The following ACR variants were observed in gnomAD, a reference collection of about 807,000 sequenced individuals.
The protein encoded by ACR is acrosin.
A neutral mutation model predicts 26.0 loss-of-function variants in ACR; 17 were observed. The observed-to-expected ratio is 0.65, with a 90% CI of 0.45 to 0.98. ACR has a LOEUF of 0.98. Among genes scored for constraint, ACR ranks in the 50% least tolerant of loss-of-function variants. ACR has a pLI of 0.00. For missense variants in ACR, 435 were observed against 519.3 expected, an observed-to-expected ratio of 0.84 and a Z score of 1.58; for synonymous variants, 199 against 207.7, an observed-to-expected ratio of 0.96 and a Z score of 0.36.
intron 1 of ACR, among the ~76,000 whole-genome samples, 164 bp downstream of exon 1, chr22:50,738,476 G>A (rs1351630638): frequency 1.4e-5 from 2 of 146,336 alleles, no homozygotes; most frequent in East Asian, 4.0e-4. Flanking sequence ...AGCTTTCGTG[G>A]TTTCCTCCAG....
intron 3 of ACR, chr22:50,740,472 T>G (rs1485213855): frequency 6.3e-6 from 4 of 636,480 alleles, no homozygotes; most frequent in Admixed American, 2.3e-5. Context: ...CCAGGCTGTC[T>G]TTGTCACCAT....
At position 50,745,282 on chromosome 22, in the gene ACR, CAT is replaced by C. The variant is rs574817127; in HGVS notation, c.*85_*86del. On this transcript the variant is annotated 3_prime_UTR_variant, in exon 5 of 5. Coordinates refer to ENST00000216139, the MANE Select transcript of ACR (RefSeq NM_001097.3). Reference sequence around the variant, plus strand: ...AGGAAAGATGAAATAAATAAATAAACATATATATATAGATATACACACACACA... The same window carrying C: ...AGGAAAGATGAAATAAATAAATAAACATATATATAGATATACACACACACA... The C allele has an allele frequency of 5.2e-5, 53 of 1,018,488 alleles. No individual in the cohort carries two copies. Among genetic ancestry groups the C allele is most frequent in the East Asian group, 4.0e-4 (14 of 35,272 alleles). 63.1% of individuals were successfully genotyped at this position (1,018,488 alleles called of 1,614,324 possible). A position where few individuals can be genotyped will look rare whatever the true frequency, so the allele number is the denominator to read the frequency against.
chr22:50,741,666 C>T (rs188568125), intron 3 of ACR, among the ~76,000 whole-genome samples: 10 of 151,706 alleles, frequency 6.6e-5, no homozygotes, highest in Admixed American at 2.0e-4. Context: ...ACCCATAAGC[C>T]CAAGTCTTAA....
chr22:50,742,565 C>T (rs1211461512), intron 3 of ACR, among the ~76,000 whole-genome samples: 1 of 144,622 alleles, frequency 6.9e-6, no homozygotes, highest in Non-Finnish European at 1.5e-5. Context: ...AAAAAAAAAT[C>T]GTCTTAATGG....
At chr22:50,742,408 G>A (rs1231727386) in intron 3 of ACR, among the ~76,000 whole-genome samples, 1 of 151,804 alleles carries the variant, frequency 6.6e-6, no homozygotes, top group Admixed American at 6.6e-5. Context: ...GCCGGGCATG[G>A]TGGCGGGCGC....
chr22:50,741,462 G>C (rs999371457), intron 3 of ACR, among the ~76,000 whole-genome samples: 12 of 151,754 alleles, frequency 7.9e-5, no homozygotes, highest in African/African-American at 2.9e-4. Flanking sequence ...CTATGTTCCT[G>C]GGAGGCTGAT....
Position 50,739,925 on chromosome 22 carries a change from C to A in ACR, c.513C>A (p.Pro171=). ...TGCCCCACTTTAAGGCAGGCCTCCCCAGAGGCTCCCAGAGCTGCTGGGTGG... is the reference window on the plus strand; with the variant it reads ...TGCCCCACTTTAAGGCAGGCCTCCCAAGAGGCTCCCAGAGCTGCTGGGTGG... ...GCLPHFKAGL[P]RGSQSCWVAG... is the part of the protein sequence containing the mutation. Residue 171 remains proline, a synonymous_variant, in exon 3 of 5, where the codon CCC becomes CCA. Coordinates refer to ENST00000216139, the MANE Select transcript of ACR (RefSeq NM_001097.3). The surrounding 1 kb of genome is among the most constrained non-coding windows in gnomAD (Gnocchi z 5.5). 1 of 1,613,904 alleles carries A rather than the reference C, an allele frequency of 6.2e-7. No homozygotes were observed. The highest frequency in any genetic ancestry group is 1.3e-5 in the African/African-American group (1 of 75,030).
At chr22:50,744,584 C>T in intron 4 of ACR, 69 bp from the exon 5 acceptor site, 4 of 1,500,374 alleles carry the variant, frequency 2.7e-6, no homozygotes, top group Non-Finnish European at 3.6e-6. Context: ...CCTCCCAGAG[C>T]CTTCCGACCC....
At chr22:50,740,153 G>T (rs2083419022) in intron 3 of ACR, 176 bp downstream of exon 3, 1 of 823,816 alleles carries the variant, frequency 1.2e-6, no homozygotes, top group Non-Finnish European at 2.0e-6. Flanking sequence ...CACGTGATGG[G>T]TGACTCGTCT....
intron 3 of ACR, chr22:50,740,592 T>G (rs2083420951): frequency 1.4e-6 from 1 of 702,514 alleles, no homozygotes; most frequent in Non-Finnish European, 2.6e-6. Context: ...TGTGGCTTTC[T>G]GTGGGTCATA....
At position 50,745,015 on chromosome 22, in the gene ACR, C is replaced by T. The variant is rs2083444137; in HGVS notation, c.1074C>T (p.Ala358=). 1.1e-6 allele frequency: 1 copy of T among 884,264 alleles called. No homozygotes were observed. Among genetic ancestry groups the T allele is most frequent in the Non-Finnish European group, 1.6e-6 (1 of 626,364 alleles). The allele number at this position is 884,264 out of a possible 1,614,324, so 54.8% of individuals were successfully genotyped here. A position where few individuals can be genotyped will look rare whatever the true frequency, so the allele number is the denominator to read the frequency against. The change falls in exon 5 of 5, where the codon GCC becomes GCT. Residue 358 remains alanine, a synonymous_variant. Transcript: ENST00000216139. ...PSPPPPPPPP[A]SPLPPPPPPP... is the part of the protein sequence containing the mutation. ...CCCCGCCCCCACCCCCACCTCCAGC[C>T]TCACCTTTACCCCCACCCCCACCCC... is the stretch of plus-strand genomic sequence containing the variant.
intron 3 of ACR, among the ~76,000 whole-genome samples, chr22:50,741,798 G>GTT (rs1476189402): frequency 6.6e-6 from 1 of 150,890 alleles, no homozygotes; most frequent in African/African-American, 2.4e-5. Flanking sequence ...TTCCCATTGG[G>GTT]TTTTGAGTCC....
Position 50,739,170 on chromosome 22 carries a change from C to G in ACR, c.78-101C>G. The stretch of plus-strand genomic sequence containing the variant: ...TTCCCAGAACCCGGAAGCTCTTCCC[C>G]ACTTTTCCCAACCCCATGTCCCTGC... On this transcript the variant is annotated intron_variant, in intron 1 of 4. Transcript: ENST00000216139. The surrounding 1 kb of genome is among the most constrained non-coding windows in gnomAD (Gnocchi z 5.5). 9.0e-7 allele frequency: 1 copy of G among 1,111,446 alleles called. No homozygotes were observed. Among genetic ancestry groups the G allele is most frequent in the Non-Finnish European group, 1.3e-6 (1 of 764,876 alleles). The allele number at this position is 1,111,446 out of a possible 1,614,324, so 68.8% of individuals were successfully genotyped here.
Position 50,739,471 on chromosome 22 carries a change from A to G in ACR, c.278A>G (p.Lys93Arg), listed in dbSNP as rs1361843130. 1.9e-6 allele frequency: 3 copies of G among 1,614,174 alleles called. No homozygotes were observed. The highest frequency in any genetic ancestry group is 3.3e-4 in the Middle Eastern group (2 of 6,062). Residue 93 changes from lysine to arginine, a missense_variant, in exon 2 of 5, where the codon AAA (lysine) becomes AGA (arginine). Lys to Arg is a conservative substitution (Grantham distance 26). Around this residue, in one of 3 missense-constraint regions of ACR, gnomAD observed 314 missense variants for 372.0 expected, o/e 0.84. Coordinates refer to ENST00000216139, the MANE Select transcript of ACR (RefSeq NM_001097.3). This position sits in a 1 kb window ranked among gnomAD's most constrained non-coding sequence, Gnocchi z 5.5. ...VLTAAHCFVG[K>R]NNVHDWRLVF... is the part of the protein sequence containing the mutation. ...ACTGCTGCTCACTGCTTCGTCGGCAAAAAGTACGTGTAGGGATGCACTGAG... is the reference window on the plus strand; with the variant it reads ...ACTGCTGCTCACTGCTTCGTCGGCAGAAAGTACGTGTAGGGATGCACTGAG...
In ACR at chr22:50,739,361, G is replaced by T; in HGVS notation, c.168G>T (p.Trp56Cys). 1 of 1,613,482 alleles carries T rather than the reference G, an allele frequency of 6.2e-7. No homozygotes were observed. The highest frequency in any genetic ancestry group is 8.5e-7 in the Non-Finnish European group (1 of 1,179,774). Residue 56 changes from tryptophan (W) to cysteine (C), a missense_variant, in exon 2 of 5, where the codon TGG (tryptophan) becomes TGT (cysteine). By Grantham distance (215) the Trp-to-Cys change is radical (BLOSUM62 -2). Around this residue, in one of 3 missense-constraint regions of ACR, gnomAD observed 314 missense variants for 372.0 expected, o/e 0.84. Transcript: ENST00000216139. This position sits in a 1 kb window ranked among gnomAD's most constrained non-coding sequence, Gnocchi z 5.5. ...GKAAQHGAWPWMVSLQIFTYN... is the reference protein window; with the variant it reads ...GKAAQHGAWPCMVSLQIFTYN... ...CTGCACAGCATGGGGCCTGGCCCTG[G>T]ATGGTCAGCCTCCAGATCTTCACGT... is the stretch of plus-strand genomic sequence containing the variant.
Position 50,739,196 on chromosome 22 carries a change from CT to C in ACR, c.78-74del. 7.4e-7 allele frequency: 1 copy of C among 1,355,482 alleles called. No homozygotes were observed. The highest frequency in any genetic ancestry group is 2.5e-5 in the East Asian group (1 of 39,484). 84.0% of individuals were successfully genotyped at this position (1,355,482 alleles called of 1,614,324 possible). On this transcript the variant is annotated intron_variant, in intron 1 of 4. Transcript: ENST00000216139. The surrounding 1 kb of genome is among the most constrained non-coding windows in gnomAD (Gnocchi z 5.5). Reference sequence around the variant, plus strand: ...ACTTTTCCCAACCCCATGTCCCTGCCTCCCCTCAGTTGTGGAGTTACAAGGA... The same window carrying C: ...ACTTTTCCCAACCCCATGTCCCTGCCCCCCTCAGTTGTGGAGTTACAAGGA...
At chr22:50,741,409 G>A (rs2146854391) in intron 3 of ACR, among the ~76,000 whole-genome samples, 1 of 152,018 alleles carries the variant, frequency 6.6e-6, no homozygotes, top group South Asian at 2.1e-4. Flanking sequence ...AGCCTGCCAT[G>A]CTCTGTCCCC....
chr22:50,739,875 G>C lies in ACR; in HGVS notation c.463G>C (p.Gly155Arg). The C allele has an allele frequency of 6.2e-7, 1 of 1,612,796 alleles. No homozygotes were observed. The highest frequency in any genetic ancestry group is 8.5e-7 in the Non-Finnish European group (1 of 1,179,088). Residue 155 changes from glycine to arginine, a missense_variant, in exon 3 of 5, where the codon GGG becomes CGG. This residue lies in a region of ACR where 314 missense variants were observed against 372.0 expected (regional missense o/e 0.84). Transcript: ENST00000216139. This position sits in a 1 kb window ranked among gnomAD's most constrained non-coding sequence, Gnocchi z 5.5. ...LVEITPPISCGRFIGPGCLPH... is the reference protein window; with the variant it reads ...LVEITPPISCRRFIGPGCLPH... ...GGAGATCACCCCTCCCATTTCGTGTGGGCGCTTCATTGGGCCGGGCTGCCT... is the reference window on the plus strand; with the variant it reads ...GGAGATCACCCCTCCCATTTCGTGTCGGCGCTTCATTGGGCCGGGCTGCCT...
intron 1 of ACR, among the ~76,000 whole-genome samples, chr22:50,738,539 G>C (rs2083409103): frequency 6.6e-6 from 1 of 150,774 alleles, no homozygotes; most frequent in Non-Finnish European, 1.5e-5. Context: ...CTCCCCCAGG[G>C]ACTGACCCCA....
Sources: gnomAD v4.1 joint callset for allele counts (sites outside exome capture counted in the v4.1 genomes callset) on GRCh38, gnomAD v4.1.1 for gene constraint, gnomAD v4.1.1 regional missense constraint, Gnocchi (gnomAD v3.1) non-coding constraint, MANE v1.5 for transcripts, NCBI Gene and HGNC (gene_info 2026-07-23, HGNC 2026-07-21) for gene names.